G6PD: variants seen among roughly 807,000 people sequenced by gnomAD.
G6PD encodes glucose-6-phosphate 1-dehydrogenase.
A neutral mutation model predicts 38.2 loss-of-function variants in G6PD; 2 were observed. The ratio of observed to expected loss-of-function variants is 0.05; its 90% CI spans 0.02 to 0.16. G6PD has a LOEUF of 0.16. Ranked by LOEUF, G6PD falls within the 10% of genes least tolerant of loss-of-function variation. The pLI is 1.00. For synonymous variants in G6PD, 188 were observed against 196.0 expected, an observed-to-expected ratio of 0.96 and a Z score of 0.34; for missense variants, 310 against 471.6, an observed-to-expected ratio of 0.66 and a Z score of 3.17.
chrX:154,533,215 A>C, intron 8 of G6PD, 87 bp from the exon 9 acceptor site: 1 of 1,040,571 alleles, frequency 9.6e-7, no homozygotes, highest in Non-Finnish European at 1.3e-6. Flanking sequence ...TGCAGCCCTC[A>C]GGGCAGGAGG....
intron 2 of G6PD, among the ~76,000 whole-genome samples, chrX:154,542,057 C>G (rs1319150320): frequency 1.8e-5 from 2 of 112,390 alleles, no homozygotes; most frequent in Non-Finnish European, 3.8e-5. Flanking sequence ...GAAAAACCAA[C>G]AAAAGGGCCT....
In G6PD at chrX:154,535,089, C is replaced by T. The variant is rs781887925; in HGVS notation, c.485+79G>A. 39 of 998,535 alleles carry T rather than the reference C, an allele frequency of 3.9e-5. No homozygotes were observed. In the Middle Eastern group the frequency reaches 1.9e-3, roughly 47 times the overall value. The allele number at this position is 998,535 out of a possible 1,213,427, so 82.3% of individuals were successfully genotyped here. A position where few individuals can be genotyped will look rare whatever the true frequency, so the allele number is the denominator to read the frequency against. On this transcript the variant is annotated intron_variant, in intron 5 of 12. Transcript: ENST00000393562. Reference sequence around the variant, plus strand: ...TGGATGCTGCCCAGATCCCCGGCCCCGGACACGCTCATAGAGTGGTGGGAG... The same window carrying T: ...TGGATGCTGCCCAGATCCCCGGCCCTGGACACGCTCATAGAGTGGTGGGAG...
At position 154,532,801 on chromosome X, in the gene G6PD, C is replaced by T. The variant is rs782533137; in HGVS notation, c.1053G>A (p.Gly351=). The T allele has an allele frequency of 4.1e-5, 49 of 1,207,460 alleles. No individual in the cohort carries two copies. Among genetic ancestry groups the T allele is most frequent in the Non-Finnish European group, 5.3e-5 (47 of 893,204 alleles). Residue 351 remains glycine (G), a splice_region_variant and synonymous_variant, in exon 10 of 13, where the codon GGG becomes GGA. Coordinates refer to ENST00000393562, the MANE Select transcript of G6PD (RefSeq NM_001360016.2). ...TGCCGCAGCGCAGGATGAAGGGCAC[C>T]CCTACGTGGCGGAAAGGGCAGCCTC... ...VLYVENERWD[G]VPFILRCGKA...
upstream of G6PD, chrX:154,547,413 G>A (rs1173651889): frequency 4.0e-6 from 3 of 754,402 alleles, no homozygotes; most frequent in African/African-American, 4.6e-5. Flanking sequence ...TCCGAGAGAC[G>A]AGGGGGCGTG....
intron 2 of G6PD, among the ~76,000 whole-genome samples, chrX:154,544,701 G>A (rs1557232780): frequency 8.9e-6 from 1 of 112,140 alleles, no homozygotes; most frequent in Non-Finnish European, 1.9e-5. Context: ...CTTATGGGGA[G>A]TCAGAGGACA....
Position 154,542,098 on chromosome X carries a change from C to T in G6PD, c.120+3938G>A, listed in dbSNP as rs1479106325. 1.2e-5 allele frequency: 5 copies of T among 408,067 alleles called. No individual in the cohort carries two copies. The African/African-American group carries it at 1.3e-4, about 11-fold the overall frequency. 33.6% of individuals were successfully genotyped at this position (408,067 alleles called of 1,213,427 possible). ...CTATACCCGGGGGCTCATGAGTCAC[C>T]GGGGCTTTGGGGGAGTGCCAACATC... is the stretch of plus-strand genomic sequence containing the variant. On this transcript the variant is annotated intron_variant, in intron 2 of 12. Coordinates refer to ENST00000393562, the MANE Select transcript of G6PD (RefSeq NM_001360016.2).
At chrX:154,535,699 T>C in intron 4 of G6PD, 2 of 454,100 alleles carry the variant, frequency 4.4e-6, no homozygotes, top group East Asian at 3.7e-5. Flanking sequence ...TCCAAAATCA[T>C]GACACCCAAC....
upstream of G6PD, chrX:154,547,216 C>T: frequency 3.8e-6 from 2 of 522,439 alleles, no homozygotes; most frequent in Non-Finnish European, 2.3e-6. Context: ...GGCTCCACTT[C>T]CGCCGGCAGC....
chrX:154,540,043 C>G (rs113881586), intron 2 of G6PD, among the ~76,000 whole-genome samples: 3 of 109,254 alleles, frequency 2.7e-5, no homozygotes, highest in African/African-American at 9.9e-5. Flanking sequence ...TTCAATAAAA[C>G]ATGGTAAAAA....
In G6PD at chrX:154,531,659, C is replaced by T. The variant is rs1283261739; in HGVS notation, c.*341G>A. On this transcript the variant is annotated 3_prime_UTR_variant, in exon 13 of 13. Coordinates refer to ENST00000393562, the MANE Select transcript of G6PD (RefSeq NM_001360016.2). ...CCTCCCCCTCGTCCCTCCCTCCCACCCTGGCCCCACTCAGGAGTGAGACCC... is the reference window on the plus strand; with the variant it reads ...CCTCCCCCTCGTCCCTCCCTCCCACTCTGGCCCCACTCAGGAGTGAGACCC... 6 of 268,030 alleles carry T rather than the reference C, an allele frequency of 2.2e-5. No individual in the cohort carries two copies. Among genetic ancestry groups the T allele is most frequent in the Admixed American group, 5.7e-5 (1 of 17,595 alleles). 22.1% of individuals were successfully genotyped at this position (268,030 alleles called of 1,213,427 possible).
At chrX:154,533,825 C>T (rs782607152) in intron 7 of G6PD, 156 bp from the exon 8 acceptor site, 2 of 1,181,613 alleles carry the variant, frequency 1.7e-6, no homozygotes, top group East Asian at 6.2e-5. Flanking sequence ...CAAGGAAGGA[C>T]ATGGTGATGC....
At chrX:154,540,388 G>T (rs2070471767) in intron 2 of G6PD, among the ~76,000 whole-genome samples, 1 of 110,660 alleles carries the variant, frequency 9.0e-6, no homozygotes, top group Non-Finnish European at 1.9e-5. Context: ...GGAATTGCTT[G>T]AACCTCGCAG....
chrX:154,545,779 G>T, intron 2 of G6PD: 1 of 331,521 alleles, frequency 3.0e-6, no homozygotes, highest in Non-Finnish European at 5.3e-6. Flanking sequence ...AGGTTGCAGT[G>T]AGCCAAGATG....
At chrX:154,542,412 G>C in intron 2 of G6PD, 1 of 1,198,666 alleles carries the variant, frequency 8.3e-7, no homozygotes, top group Non-Finnish European at 1.1e-6. Flanking sequence ...TGTTCCAGGC[G>C]CACACTAGTC....
Position 154,534,481 on chromosome X carries a change from G to T in G6PD, c.501C>A (p.Ile167=), listed in dbSNP as rs1557230406. Residue 167 remains isoleucine (I), a synonymous_variant, in exon 6 of 13, where the codon ATC becomes ATA. Transcript: ENST00000393562. Reference sequence around the variant, plus strand: ...CCCTCCCGAAGGGCTTCTCCACGATGATGCGGTTCCAGCCTCTGCTGGGAG... The same window carrying T: ...CCCTCCCGAAGGGCTTCTCCACGATTATGCGGTTCCAGCCTCTGCTGGGAG... The part of the protein sequence containing the change: ...SCMSQIGWNR[I]IVEKPFGRDL... 8.3e-7 allele frequency: 1 copy of T among 1,211,756 alleles called. No homozygotes were observed. Among genetic ancestry groups the T allele is most frequent in the South Asian group, 1.8e-5 (1 of 57,042 alleles).
intron 2 of G6PD, among the ~76,000 whole-genome samples, chrX:154,540,552 C>T (rs2070475360): frequency 9.6e-6 from 1 of 104,248 alleles, no homozygotes; most frequent in Non-Finnish European, 2.0e-5. Context: ...GCAGGAGAAT[C>T]ACTTGAATCC....
intron 4 of G6PD, 58 bp downstream of exon 4, chrX:154,535,879 T>C (rs1434568201): frequency 9.9e-7 from 1 of 1,013,772 alleles, no homozygotes; most frequent in Non-Finnish European, 1.4e-6. Context: ...AAGCTGGCCA[T>C]GCTGGGGGCT....
chrX:154,544,271 A>C (rs1419672483), intron 2 of G6PD, among the ~76,000 whole-genome samples: 3 of 109,553 alleles, frequency 2.7e-5, no homozygotes, highest in Non-Finnish European at 3.8e-5. Flanking sequence ...AAGCGATTCT[A>C]CTGCCTCAGC....
Position 154,533,020 on chromosome X carries a change from C to T in G6PD, c.973G>A (p.Asp325Asn), listed in dbSNP as rs781906610. ...EGEATKGYLD[D>N]PTVPRGSTTA... ...GTGGACCCGCGGGGCACCGTGGGGTCGTCCAGGTACCCTTTGGTGGCCTCG... is the reference window on the plus strand; with the variant it reads ...GTGGACCCGCGGGGCACCGTGGGGTTGTCCAGGTACCCTTTGGTGGCCTCG... The change falls in exon 9 of 13, where the codon GAC becomes AAC. Residue 325 changes from aspartate to asparagine, a missense_variant. Around this residue, in one of 4 missense-constraint regions of G6PD, gnomAD observed 168 missense variants for 309.2 expected, o/e 0.54. Transcript: ENST00000393562. 1.6e-6 allele frequency: 2 copies of T among 1,212,213 alleles called. No individual in the cohort carries two copies. Among genetic ancestry groups the T allele is most frequent in the South Asian group, 1.8e-5 (1 of 57,030 alleles).
Sources: gnomAD v4.1 joint callset for allele counts (sites outside exome capture counted in the v4.1 genomes callset) on GRCh38, gnomAD v4.1.1 for gene constraint, gnomAD v4.1.1 regional missense constraint, MANE v1.5 for transcripts, NCBI Gene and HGNC (gene_info 2026-07-23, HGNC 2026-07-21) for gene names.